MAP3K21: variants seen among roughly 807,000 people sequenced by gnomAD.
The protein encoded by MAP3K21 is mitogen-activated protein kinase kinase kinase MLK4.
In MAP3K21, 63 loss-of-function variants were observed where a neutral mutation model predicts 86.1. The ratio of observed to expected loss-of-function variants is 0.73; its 90% CI spans 0.60 to 0.90. The LOEUF is 0.90. Among genes scored for constraint, MAP3K21 ranks in the 40% least tolerant of loss-of-function variants. The pLI is 0.00. For missense variants in MAP3K21, 1,220 were observed against 1,367.7 expected (o/e 0.89, Z 1.70); for synonymous variants, 558 against 564.8 (o/e 0.99, Z 0.17).
chr1:233,335,841 A>G (rs1214173104), intron 1 of MAP3K21, among the ~76,000 whole-genome samples: 1 of 152,226 alleles, frequency 6.6e-6, no homozygotes, highest in Non-Finnish European at 1.5e-5. Context: ...GAAAACCCCC[A>G]TATTTTCCCA....
At chr1:233,362,324 T>G in intron 5 of MAP3K21, 31 bp downstream of exon 5, 3 of 1,606,642 alleles carry the variant, frequency 1.9e-6, no homozygotes, top group Non-Finnish European at 1.7e-6. Flanking sequence ...TTTTGAAAGA[T>G]TTTTGTGTGT....
chr1:233,355,781 G>A (rs1239734836), intron 4 of MAP3K21, among the ~76,000 whole-genome samples: 1 of 152,040 alleles, frequency 6.6e-6, no homozygotes, highest in African/African-American at 2.4e-5. Context: ...ACCATCAGTG[G>A]CAATTTTCTG....
At chr1:233,378,808 G>A in intron 8 of MAP3K21, 123 bp from the exon 9 acceptor site, 4 of 729,790 alleles carry the variant, frequency 5.5e-6, no homozygotes, top group South Asian at 4.3e-5. Context: ...GAAATGAAAA[G>A]GGCTGCATGT....
chr1:233,341,680 C>T (rs1184266661), intron 1 of MAP3K21, among the ~76,000 whole-genome samples: 3 of 152,118 alleles, frequency 2.0e-5, no homozygotes. Flanking sequence ...TTATTTAGAG[C>T]AGACTTTCTT....
chr1:233,343,930 T>C (rs1005724318), intron 1 of MAP3K21, among the ~76,000 whole-genome samples: 1 of 152,178 alleles, frequency 6.6e-6, no homozygotes, highest in African/African-American at 2.4e-5. Flanking sequence ...CCTCTCCTCT[T>C]TCTATAGAAG....
intron 4 of MAP3K21, among the ~76,000 whole-genome samples, chr1:233,358,124 T>A (rs1663399791): frequency 6.6e-6 from 1 of 151,932 alleles, no homozygotes; most frequent in South Asian, 2.1e-4. Context: ...CTGACTCTGT[T>A]ACTCTGTACC....
At chr1:233,360,750 T>G (rs1663453439) in intron 4 of MAP3K21, among the ~76,000 whole-genome samples, 1 of 152,228 alleles carries the variant, frequency 6.6e-6, no homozygotes, top group Non-Finnish European at 1.5e-5. Flanking sequence ...AGATTTGAAT[T>G]GCATTCTAGT....
intron 1 of MAP3K21, among the ~76,000 whole-genome samples, chr1:233,338,125 G>A (rs189240553): frequency 4.1e-4 from 62 of 152,300 alleles, no homozygotes; most frequent in Admixed American, 4.0e-3. Flanking sequence ...TGAAATGTAA[G>A]TGATTTTCTC....
intron 5 of MAP3K21, among the ~76,000 whole-genome samples, chr1:233,371,787 G>A (rs1663688427): frequency 6.7e-6 from 1 of 150,228 alleles, no homozygotes; most frequent in Non-Finnish European, 1.5e-5. Flanking sequence ...GTGTGTGTAT[G>A]TGTGTGACTA....
intron 4 of MAP3K21, among the ~76,000 whole-genome samples, chr1:233,356,392 T>G: frequency 6.6e-6 from 1 of 152,238 alleles, no homozygotes; most frequent in East Asian, 1.9e-4. Flanking sequence ...TAAGTACAGT[T>G]TGTTAATATA....
chr1:233,371,122 A>G (rs1009861615), intron 5 of MAP3K21, among the ~76,000 whole-genome samples: 2 of 152,180 alleles, frequency 1.3e-5, no homozygotes, highest in Non-Finnish European at 1.5e-5. Flanking sequence ...TCTCTACCAT[A>G]TTACAGTTAG....
At position 233,383,822 on chromosome 1, in the gene MAP3K21, A is replaced by C. The variant is rs192954097; in HGVS notation, c.*1111A>C. On this transcript the variant is annotated 3_prime_UTR_variant, in exon 10 of 10. Transcript: ENST00000366624. ...TGGATAAATGTTAGACATCTGTTGA[A>C]ATAAGCTCATATGGTGGAAACGACA... 1 of 152,326 alleles carries C rather than the reference A, an allele frequency of 6.6e-6. No homozygotes were observed. Among genetic ancestry groups the C allele is most frequent in the East Asian group, 1.9e-4 (1 of 5,188 alleles). 9.4% of individuals were successfully genotyped at this position (152,326 alleles called of 1,614,324 possible). A position where few individuals can be genotyped will look rare whatever the true frequency, so the allele number is the denominator to read the frequency against.
chr1:233,361,474 T>C (rs1393854982), intron 4 of MAP3K21, among the ~76,000 whole-genome samples: 3 of 152,228 alleles, frequency 2.0e-5, no homozygotes, highest in African/African-American at 7.2e-5. Flanking sequence ...TTCAACAGAC[T>C]CCTAACACCT....
chr1:233,331,067 T>C (rs1662801975), intron 1 of MAP3K21, among the ~76,000 whole-genome samples: 1 of 152,232 alleles, frequency 6.6e-6, no homozygotes, highest in Admixed American at 6.5e-5. Context: ...CAGTTTTTAC[T>C]GACACCAGAA....
chr1:233,356,843 A>G (rs1663367512), intron 4 of MAP3K21, among the ~76,000 whole-genome samples: 1 of 152,248 alleles, frequency 6.6e-6, no homozygotes, highest in Non-Finnish European at 1.5e-5. Context: ...ATTTTACTAT[A>G]GGCTGATTGA....
At chr1:233,378,406 G>A (rs1663839319) in intron 8 of MAP3K21, among the ~76,000 whole-genome samples, 1 of 152,146 alleles carries the variant, frequency 6.6e-6, no homozygotes, top group African/African-American at 2.4e-5. Context: ...ATAGTCTGGG[G>A]TGGGCCAATA....
Position 233,384,029 on chromosome 1 carries a change from T to C in MAP3K21, c.*1318T>C, listed in dbSNP as rs1166232494. 10 of 152,150 alleles carry C rather than the reference T, an allele frequency of 6.6e-5. No homozygotes were observed. In the East Asian group the frequency reaches 1.7e-3, roughly 26 times the overall value. 9.4% of individuals were successfully genotyped at this position (152,150 alleles called of 1,614,324 possible). ...GCCTTGGTTTCTTATGTTAAATGTA[T>C]TGTGCTTCCCTTCTGTCTCTAGAAT... On this transcript the variant is annotated 3_prime_UTR_variant, in exon 10 of 10. Coordinates refer to ENST00000366624, the MANE Select transcript of MAP3K21 (RefSeq NM_032435.3).
At position 233,376,539 on chromosome 1, in the gene MAP3K21, T is replaced by G. The variant is rs113984186; in HGVS notation, c.1924+12T>G. On this transcript the variant is annotated intron_variant, in intron 8 of 9. Coordinates refer to ENST00000366624, the MANE Select transcript of MAP3K21 (RefSeq NM_032435.3). ...TGTGGACCAGCCAGGTAAATGTGTT[T>G]CAGGAGGTAGGATTTGCTTGAGCAG... 165 of 1,593,152 alleles carry G rather than the reference T, an allele frequency of 1.0e-4. No homozygotes were observed. The African/African-American group carries it at 1.8e-3, about 17-fold the overall frequency.
At chr1:233,373,830 CA>C (rs1663733858) in intron 6 of MAP3K21, 1 of 151,228 alleles carries the variant, frequency 6.6e-6, no homozygotes, top group Admixed American at 6.6e-5. Flanking sequence ...TAGATTTCAC[CA>C]TCCGTTTCCG....
Sources: gnomAD v4.1 joint callset for allele counts (sites outside exome capture counted in the v4.1 genomes callset) on GRCh38, gnomAD v4.1.1 for gene constraint, MANE v1.5 for transcripts, NCBI Gene and HGNC (gene_info 2026-07-23, HGNC 2026-07-21) for gene names.